ARHGAP42: variants seen among roughly 807,000 people sequenced by gnomAD.
ARHGAP42 encodes the protein Rho GTPase activating protein 42.
Under a neutral mutation model 125.0 loss-of-function variants are expected in ARHGAP42, and 63 were observed. The observed-to-expected ratio is 0.50, with a 90% confidence interval of 0.41 to 0.62. The LOEUF (loss-of-function observed/expected upper bound fraction) is 0.62, where lower values mean the gene tolerates loss of function less well. ARHGAP42 is among the 20% of genes least tolerant of loss of function. The pLI, the probability that ARHGAP42 is intolerant of heterozygous loss-of-function variation, is 0.00. For synonymous variants in ARHGAP42, 339 were observed against 351.0 expected (o/e 0.97, Z 0.38); for missense variants, 766 against 1,024.2 (o/e 0.75, Z 3.44).
At chr11:100,835,734 A>G (rs1864770755) in intron 3 of ARHGAP42, among the ~76,000 whole-genome samples, 1 of 151,992 alleles carries the variant, frequency 6.6e-6, no homozygotes, top group East Asian at 1.9e-4. Context: ...TTTAGTCTTC[A>G]TTTGGTTATA....
rs1389532613 is a variant in ARHGAP42, at chr11:100,950,041, G to GA, written c.1162+88dup. 7.7e-5 allele frequency: 63 copies of GA among 816,676 alleles called. 1 individual carries two copies. Among genetic ancestry groups the GA allele is most frequent in the Non-Finnish European group, 1.2e-4 (62 of 538,634 alleles). 50.6% of individuals were successfully genotyped at this position (816,676 alleles called of 1,614,324 possible). A position where few individuals can be genotyped will look rare whatever the true frequency, so the allele number is the denominator to read the frequency against. ...ATTAGGTGATTGTAAGTATTCTGGG[G>GA]AAATAGTATAACACCATTGATCTCA... On this transcript the variant is annotated intron_variant, in intron 12 of 23. Transcript: ENST00000298815.
chr11:100,964,805 T>C (rs1858048710), intron 16 of ARHGAP42, among the ~76,000 whole-genome samples: 1 of 152,178 alleles, frequency 6.6e-6, no homozygotes, highest in Admixed American at 6.5e-5. Flanking sequence ...GTAATAATGC[T>C]AACATTTCAG....
chr11:100,703,835 C>T (rs1308610019), intron 1 of ARHGAP42, among the ~76,000 whole-genome samples: 1 of 152,132 alleles, frequency 6.6e-6, no homozygotes, highest in Non-Finnish European at 1.5e-5. Flanking sequence ...AGCAATTTTA[C>T]AAAATTAACA....
At chr11:100,830,586 T>C (rs1190378775) in intron 3 of ARHGAP42, among the ~76,000 whole-genome samples, 2 of 152,184 alleles carry the variant, frequency 1.3e-5, no homozygotes, top group African/African-American at 4.8e-5. Context: ...GTGTTTCTTG[T>C]GTGCATTAAA....
chr11:100,786,622 A>G (rs1863441315), intron 2 of ARHGAP42, among the ~76,000 whole-genome samples: 1 of 152,184 alleles, frequency 6.6e-6, no homozygotes. Context: ...AAGTTGTTTT[A>G]AGCTAGTTCT....
At chr11:100,867,222 A>G (rs1865590054) in intron 4 of ARHGAP42, among the ~76,000 whole-genome samples, 1 of 152,236 alleles carries the variant, frequency 6.6e-6, no homozygotes, top group Non-Finnish European at 1.5e-5. Context: ...CCCTAACAAG[A>G]GACTCAACCT....
chr11:100,727,599 C>G (rs1207027665), intron 1 of ARHGAP42, among the ~76,000 whole-genome samples: 1 of 152,102 alleles, frequency 6.6e-6, no homozygotes, highest in African/African-American at 2.4e-5. Context: ...GATGAAGCCT[C>G]TATACAATTC....
intron 1 of ARHGAP42, among the ~76,000 whole-genome samples, chr11:100,720,400 C>G (rs1212254362): frequency 1.3e-5 from 2 of 152,134 alleles, no homozygotes; most frequent in African/African-American, 2.4e-5. Flanking sequence ...AATGACTGCC[C>G]TGATGGTGGG....
intron 2 of ARHGAP42, among the ~76,000 whole-genome samples, chr11:100,793,534 CAG>C (rs1863624926): frequency 6.6e-6 from 1 of 152,088 alleles, no homozygotes; most frequent in South Asian, 2.1e-4. Flanking sequence ...TATTTCACAC[CAG>C]TTTGGCTAGT....
intron 12 of ARHGAP42, among the ~76,000 whole-genome samples, chr11:100,955,398 C>G (rs1033890047): frequency 6.6e-6 from 1 of 152,004 alleles, no homozygotes; most frequent in African/African-American, 2.4e-5. Flanking sequence ...TTCTGGGTAT[C>G]CCTCTGCTTC....
intron 1 of ARHGAP42, among the ~76,000 whole-genome samples, chr11:100,706,452 G>A (rs999104450): frequency 1.3e-5 from 2 of 152,158 alleles, no homozygotes; most frequent in Non-Finnish European, 2.9e-5. Flanking sequence ...CTTTGTATGT[G>A]AAGACAAATA....
chr11:100,695,225 C>T (rs112244040), intron 1 of ARHGAP42, among the ~76,000 whole-genome samples: 7 of 152,294 alleles, frequency 4.6e-5, no homozygotes, highest in African/African-American at 1.7e-4. Flanking sequence ...GATAACAGGG[C>T]AGTCAATGGA....
chr11:100,933,134 C>G (rs1427883784), intron 6 of ARHGAP42, 22 bp from the exon 7 acceptor site: 11 of 1,474,192 alleles, frequency 7.5e-6, no homozygotes, highest in East Asian at 2.5e-5. Flanking sequence ...TTCATGGTTT[C>G]TTTATCTCTT....
chr11:100,971,195 T>A (rs1347729169), intron 17 of ARHGAP42, among the ~76,000 whole-genome samples: 1 of 152,152 alleles, frequency 6.6e-6, no homozygotes, highest in Non-Finnish European at 1.5e-5. Flanking sequence ...AAGTTTTTTT[T>A]ATAGAGACTT....
At chr11:100,930,174 A>G in intron 6 of ARHGAP42, among the ~76,000 whole-genome samples, 1 of 152,228 alleles carries the variant, frequency 6.6e-6, no homozygotes, top group Middle Eastern at 3.2e-3. Context: ...ACTTTAGGGT[A>G]AACTGAAACC....
chr11:100,991,256 T>A lies in ARHGAP42; in HGVS notation c.*2455T>A, dbSNP rs982800538. On this transcript the variant is annotated 3_prime_UTR_variant, in exon 24 of 24. Transcript: ENST00000298815. Reference sequence around the variant, plus strand: ...TGCTTTTCCCTTAAAGTAAGTTTCCTACAGATAAGGTATTTATGAGCACTG... The same window carrying A: ...TGCTTTTCCCTTAAAGTAAGTTTCCAACAGATAAGGTATTTATGAGCACTG... The A allele has an allele frequency of 1.3e-5, 2 of 152,218 alleles. No homozygotes were observed. Among genetic ancestry groups the A allele is most frequent in the African/African-American group, 4.8e-5 (2 of 41,466 alleles). The allele number at this position is 152,218 out of a possible 1,614,324, so 9.4% of individuals were successfully genotyped here.
At chr11:100,903,135 A>ACACGCGCACACACACACACACT (rs1866603974) in intron 4 of ARHGAP42, among the ~76,000 whole-genome samples, 1 of 151,470 alleles carries the variant, frequency 6.6e-6, no homozygotes, top group African/African-American at 2.4e-5. Context: ...ACACACACAC[A>ACACGCGCACACACACACACACT]CACACACACA....
chr11:100,836,866 T>G (rs1864801044), intron 3 of ARHGAP42, among the ~76,000 whole-genome samples: 1 of 151,934 alleles, frequency 6.6e-6, no homozygotes, highest in African/African-American at 2.4e-5. Context: ...CAACCAATTT[T>G]GAATGTTATT....
chr11:100,770,447 T>A lies in ARHGAP42; in HGVS notation c.250+9T>A. 6.6e-7 allele frequency: 1 copy of A among 1,522,778 alleles called. No homozygotes were observed. Among genetic ancestry groups the A allele is most frequent in the Non-Finnish European group, 8.9e-7 (1 of 1,124,262 alleles). 94.3% of individuals were successfully genotyped at this position (1,522,778 alleles called of 1,614,324 possible). On this transcript the variant is annotated intron_variant, in intron 2 of 23. Transcript: ENST00000298815. The stretch of plus-strand genomic sequence containing the variant: ...TGATGAAATTAGTATTGGTAAGTAC[T>A]ACTGTTTTAGAAAGTTCTATTACTA...
Sources: allele counts gnomAD v4.1 joint callset (sites outside exome capture counted in the v4.1 genomes callset), GRCh38; gene constraint gnomAD v4.1.1; transcripts MANE v1.5; gene names NCBI Gene and HGNC (gene_info 2026-07-23, HGNC 2026-07-21).